KIRREL1: variants seen among roughly 807,000 people sequenced by gnomAD.
KIRREL1 encodes the protein kin of IRRE-like protein 1.
In KIRREL1, 25 loss-of-function variants were observed where a neutral mutation model predicts 83.3. The observed-to-expected ratio is 0.30, with a 90% confidence interval of 0.22 to 0.42. KIRREL1 has a LOEUF of 0.42. KIRREL1 is among the 10% of genes least tolerant of loss of function. KIRREL1 has a pLI of 1.00. For missense variants in KIRREL1, 812 were observed against 1,032.3 expected (o/e 0.79, Z 2.92); for synonymous variants, 388 against 410.4 (o/e 0.95, Z 0.66).
At chr1:158,002,640 A>G (rs568757723) in intron 1 of KIRREL1, among the ~76,000 whole-genome samples, 2 of 152,316 alleles carry the variant, frequency 1.3e-5, no homozygotes, top group South Asian at 4.1e-4. Context: ...ATGGTGTGGG[A>G]GATGGATGTA....
At chr1:158,000,648 C>G (rs1453552551) in intron 1 of KIRREL1, among the ~76,000 whole-genome samples, 4 of 152,196 alleles carry the variant, frequency 2.6e-5, no homozygotes, top group Non-Finnish European at 2.9e-5. Flanking sequence ...CCCACTTACT[C>G]TCCCTCTATC....
chr1:158,075,120 G>C (rs1041475702), intron 1 of KIRREL1, among the ~76,000 whole-genome samples: 4 of 152,206 alleles, frequency 2.6e-5, no homozygotes, highest in African/African-American at 9.7e-5. Context: ...AGCTCTGCAA[G>C]GAGCCTAGGC....
intron 1 of KIRREL1, among the ~76,000 whole-genome samples, chr1:158,074,322 G>A (rs1661606559): frequency 6.6e-6 from 1 of 152,152 alleles, no homozygotes; most frequent in Non-Finnish European, 1.5e-5. Flanking sequence ...TAAAGAGTCT[G>A]CCTCATGCTA....
In KIRREL1 at chr1:158,095,492, G is replaced by A. The variant is rs1281882685; in HGVS notation, c.*372G>A. Reference sequence around the variant, plus strand: ...CATAAGTGGAAATGGGGGTACCCAGGGATGGGCAGGCTTTGGCCTAGGGAC... The same window carrying A: ...CATAAGTGGAAATGGGGGTACCCAGAGATGGGCAGGCTTTGGCCTAGGGAC... On this transcript the variant is annotated 3_prime_UTR_variant, in exon 15 of 15. Transcript: ENST00000359209. The A allele has an allele frequency of 5.3e-6, 1 of 188,072 alleles. No homozygotes were observed. Among genetic ancestry groups the A allele is most frequent in the Non-Finnish European group, 1.1e-5 (1 of 92,332 alleles). 11.7% of individuals were successfully genotyped at this position (188,072 alleles called of 1,614,324 possible).
In KIRREL1 at chr1:158,097,163, T is replaced by C. The variant is rs2101653176; in HGVS notation, c.*2043T>C. 2.3e-6 allele frequency: 1 copy of C among 433,106 alleles called. No homozygotes were observed. The highest frequency in any genetic ancestry group is 2.5e-5 in the Admixed American group (1 of 39,420). 26.8% of individuals were successfully genotyped at this position (433,106 alleles called of 1,614,324 possible). On this transcript the variant is annotated 3_prime_UTR_variant, in exon 15 of 15. Coordinates refer to ENST00000359209, the MANE Select transcript of KIRREL1 (RefSeq NM_018240.7). Reference sequence around the variant, plus strand: ...ATCCCTGGAAGCTGATACCTTTCTATAGAGTCCTTTTATGAGAGCTCAGTG... The same window carrying C: ...ATCCCTGGAAGCTGATACCTTTCTACAGAGTCCTTTTATGAGAGCTCAGTG...
At chr1:158,051,554 C>T (rs755491563) in intron 1 of KIRREL1, among the ~76,000 whole-genome samples, 2 of 152,226 alleles carry the variant, frequency 1.3e-5, no homozygotes, top group Non-Finnish European at 2.9e-5. Flanking sequence ...CTATATTTAA[C>T]TTCTTGTTTC....
chr1:157,993,775 C>G (rs1012278220), intron 1 of KIRREL1, 47 bp downstream of exon 1: 66 of 1,291,820 alleles, frequency 5.1e-5, no homozygotes, highest in Non-Finnish European at 6.4e-5. Context: ...CCCCCCGGGG[C>G]CGGGGCACTG....
chr1:158,079,488 T>A (rs1038897231), intron 3 of KIRREL1, among the ~76,000 whole-genome samples: 2 of 152,164 alleles, frequency 1.3e-5, no homozygotes, highest in South Asian at 4.1e-4. Flanking sequence ...CCTGGTTAAT[T>A]TTTGTATTTT....
intron 8 of KIRREL1, among the ~76,000 whole-genome samples, chr1:158,089,128 C>T (rs891831486): frequency 1.3e-5 from 2 of 152,092 alleles, no homozygotes; most frequent in African/African-American, 4.8e-5. Context: ...TCTGCAGAGA[C>T]CCCCATTAGA....
chr1:158,080,450 C>T (rs1306211045), intron 3 of KIRREL1, among the ~76,000 whole-genome samples: 1 of 152,096 alleles, frequency 6.6e-6, no homozygotes, highest in Non-Finnish European at 1.5e-5. Context: ...GCTTGCAGGC[C>T]AATGAAGGAG....
intron 1 of KIRREL1, among the ~76,000 whole-genome samples, chr1:158,052,840 C>T (rs1660946947): frequency 6.6e-6 from 1 of 152,120 alleles, no homozygotes; most frequent in Non-Finnish European, 1.5e-5. Context: ...CACCAATATC[C>T]ACTCAGCTTC....
At chr1:158,040,304 G>A (rs1422728697) in intron 1 of KIRREL1, among the ~76,000 whole-genome samples, 1 of 152,168 alleles carries the variant, frequency 6.6e-6, no homozygotes, top group Non-Finnish European at 1.5e-5. Flanking sequence ...GAGACATGTG[G>A]GCTGAGAAAT....
chr1:158,054,212 C>CAAAAAAAAAAAAA (rs57034495), intron 1 of KIRREL1, among the ~76,000 whole-genome samples: 2 of 85,124 alleles, frequency 2.3e-5, no homozygotes, highest in African/African-American at 5.4e-5. Context: ...GACTCCATCT[C>CAAAAAAAAAAAAA]AAAAAAAAAA....
At chr1:158,090,709 G>A (rs3768541) in intron 10 of KIRREL1, among the ~76,000 whole-genome samples, 15,388 of 152,254 alleles carry the variant, frequency 0.1, 930 homozygotes, top group Non-Finnish European at 0.14. Flanking sequence ...CCTATTATAA[G>A]TCTGTGGATC....
chr1:158,075,673 G>A (rs1661658478), intron 1 of KIRREL1, among the ~76,000 whole-genome samples: 1 of 152,178 alleles, frequency 6.6e-6, no homozygotes, highest in Non-Finnish European at 1.5e-5. Context: ...CATTAATGTG[G>A]GGGTGGGCTG....
At chr1:158,067,145 A>G (rs765799401) in intron 1 of KIRREL1, among the ~76,000 whole-genome samples, 3 of 152,114 alleles carry the variant, frequency 2.0e-5, no homozygotes, top group Non-Finnish European at 4.4e-5. Flanking sequence ...AGCCTTTTCC[A>G]TGTAGAGCTC....
chr1:158,066,083 T>G (rs1489365410), intron 1 of KIRREL1, among the ~76,000 whole-genome samples: 1 of 152,014 alleles, frequency 6.6e-6, no homozygotes, highest in East Asian at 1.9e-4. Context: ...CCACCATCAG[T>G]GCAGGAAGAG....
At chr1:158,089,885 T>C in intron 10 of KIRREL1, 67 bp downstream of exon 10, 1 of 1,382,494 alleles carries the variant, frequency 7.2e-7, no homozygotes, top group Non-Finnish European at 1.0e-6. Flanking sequence ...CAGCCTCCTC[T>C]CACTTCTGCT....
At chr1:158,092,686 TG>T (rs986742207) in intron 11 of KIRREL1, among the ~76,000 whole-genome samples, 1 of 151,682 alleles carries the variant, frequency 6.6e-6, no homozygotes, top group African/African-American at 2.4e-5. Flanking sequence ...GCAAGGGGGT[TG>T]GGGGTGGGGA....
Sources: allele counts gnomAD v4.1 joint callset (sites outside exome capture counted in the v4.1 genomes callset), GRCh38; gene constraint gnomAD v4.1.1; transcripts MANE v1.5; gene names NCBI Gene and HGNC (gene_info 2026-07-23, HGNC 2026-07-21).